The following TMEM40 variants were observed in gnomAD, a reference collection of about 807,000 sequenced individuals.
TMEM40 encodes transmembrane protein 40.
A neutral mutation model predicts 40.8 loss-of-function variants in TMEM40; 34 were observed. That is an observed-to-expected ratio of 0.83 (90% CI 0.63 to 1.11). TMEM40 has a LOEUF of 1.11. Ranked by LOEUF, TMEM40 falls within the 50% of genes least tolerant of loss-of-function variation. TMEM40 has a pLI of 0.00. For missense variants in TMEM40, 296 were observed against 280.2 expected (o/e 1.06, Z -0.40); for synonymous variants, 106 against 107.0 (o/e 0.99, Z 0.06).
intron 1 of TMEM40, among the ~76,000 whole-genome samples, chr3:12,750,077 G>T (rs1196109505): frequency 1.3e-5 from 2 of 151,952 alleles, no homozygotes; most frequent in Non-Finnish European, 2.9e-5. Context: ...ACTAGCAGGG[G>T]GCTTCATGAA....
intron 6 of TMEM40, among the ~76,000 whole-genome samples, 188 bp downstream of exon 6, chr3:12,738,365 C>T (rs2061353926): frequency 6.6e-6 from 1 of 152,202 alleles, no homozygotes; most frequent in Admixed American, 6.5e-5. Context: ...TTCCAAGCTC[C>T]CCAGGCTCCC....
intron 5 of TMEM40, 48 bp from the exon 6 acceptor site, chr3:12,738,636 G>A (rs2061357201): frequency 1.3e-6 from 2 of 1,595,362 alleles, no homozygotes; most frequent in Non-Finnish European, 1.7e-6. Context: ...TCCTCTGGGG[G>A]GGGAGAAGTC....
upstream of TMEM40, among the ~76,000 whole-genome samples, chr3:12,760,344 C>T (rs6766744): frequency 0.67 from 101,895 of 151,962 alleles, 35,982 homozygotes; most frequent in African/African-American, 0.89. Context: ...TCTTACAAGC[C>T]CCTGCGAGAT....
rs142564491 is a variant in TMEM40 at position 12,746,413 on chromosome 3, G to A, written c.211+2242C>T. Among the ~76,000 whole-genome samples the A allele has an allele frequency of 3.6e-3, 552 of 152,248 alleles. 3 individuals carry two copies. The highest frequency in any genetic ancestry group is 0.012 in the African/African-American group (515 of 41,542). On this transcript the variant is annotated intron_variant, in intron 3 of 11. Coordinates refer to ENST00000314124, the MANE Select transcript of TMEM40 (RefSeq NM_018306.4). ...TTTGTTTTCTCATATTTTCTGTTTCGCTATATGCTCTATATTTTCTACAGT... is the reference window on the plus strand; with the variant it reads ...TTTGTTTTCTCATATTTTCTGTTTCACTATATGCTCTATATTTTCTACAGT...
intron 1 of TMEM40, among the ~76,000 whole-genome samples, chr3:12,766,617 T>A (rs1575749700): frequency 2.0e-5 from 3 of 151,952 alleles, no homozygotes; most frequent in Admixed American, 6.6e-5. Flanking sequence ...AAAGGATTAT[T>A]TATATATAGC....
intron 1 of TMEM40, among the ~76,000 whole-genome samples, chr3:12,753,876 G>A (rs960146650): frequency 6.6e-6 from 1 of 152,188 alleles, no homozygotes; most frequent in East Asian, 1.9e-4. Context: ...CTGTCACAGG[G>A]CCTGGGCCCA....
intron 1 of TMEM40, among the ~76,000 whole-genome samples, chr3:12,754,801 C>A (rs901164784): frequency 1.1e-4 from 17 of 152,064 alleles, no homozygotes; most frequent in African/African-American, 3.9e-4. Flanking sequence ...AGTCACTGAC[C>A]CCAAGTCTCT....
intron 1 of TMEM40, among the ~76,000 whole-genome samples, chr3:12,764,578 G>A (rs973725261): frequency 1.4e-4 from 21 of 152,212 alleles, no homozygotes; most frequent in African/African-American, 5.1e-4. Flanking sequence ...GAGAAACAGT[G>A]GCCGTAGCTG....
chr3:12,737,510 C>A, intron 8 of TMEM40, 197 bp downstream of exon 8: 2 of 615,004 alleles, frequency 3.3e-6, no homozygotes, highest in Non-Finnish European at 5.7e-6. Flanking sequence ...CAACCTTGAA[C>A]CTCAGTTTTC....
intron 8 of TMEM40, among the ~76,000 whole-genome samples, chr3:12,737,250 C>T (rs1269086856): frequency 6.6e-6 from 1 of 151,704 alleles, no homozygotes; most frequent in Non-Finnish European, 1.5e-5. Flanking sequence ...CTTGCCCTCC[C>T]CTTCCTCCTA....
intron 1 of TMEM40, among the ~76,000 whole-genome samples, chr3:12,755,194 C>CTTTCTTTCTTTCTTT (rs1559533163): frequency 6.7e-5 from 8 of 119,066 alleles, no homozygotes; most frequent in African/African-American, 2.9e-4. Context: ...TTCCTTCCTT[C>CTTTCTTTCTTTCTTT]CTTCCTTTCT....
intron 3 of TMEM40, among the ~76,000 whole-genome samples, chr3:12,745,070 T>A (rs2061416473): frequency 6.6e-6 from 1 of 152,148 alleles, no homozygotes; most frequent in Admixed American, 6.5e-5. Context: ...TATTCCAATT[T>A]TTTTTTGAGA....
chr3:12,749,654 AG>A, intron 2 of TMEM40, 105 bp downstream of exon 2: 1 of 928,978 alleles, frequency 1.1e-6, no homozygotes, highest in Non-Finnish European at 1.7e-6. Flanking sequence ...CTGTGATTTG[AG>A]GCCCTGTGCA....
intron 5 of TMEM40, chr3:12,738,956 C>G (rs1010926598): frequency 8.4e-6 from 2 of 238,954 alleles, no homozygotes. Context: ...AGACTGAGAC[C>G]ATTCTGGCTA....
chr3:12,747,910 C>CAAAAAAAA (rs747586371), intron 3 of TMEM40, among the ~76,000 whole-genome samples: 5 of 27,582 alleles, frequency 1.8e-4, no homozygotes, highest in South Asian at 1.3e-3. Context: ...GATTCTGTCT[C>CAAAAAAAA]AAAAAAAAAA....
In TMEM40 at chr3:12,738,023, G is replaced by A. The variant is rs2061350410; in HGVS notation, c.424+113C>T. On this transcript the variant is annotated intron_variant, in intron 7 of 11. Coordinates refer to ENST00000314124, the MANE Select transcript of TMEM40 (RefSeq NM_018306.4). ...CTTCTGAATCATAGTGACACTGGCT[G>A]GCGACAGCATCCCTGCTGGGACTAA... The A allele has an allele frequency of 3.0e-6, 4 of 1,326,844 alleles. No individual in the cohort carries two copies. The South Asian group carries it at 3.7e-5, about 12-fold the overall frequency. The allele number at this position is 1,326,844 out of a possible 1,614,324, so 82.2% of individuals were successfully genotyped here.
chr3:12,765,776 A>G (rs1025140473), intron 1 of TMEM40, among the ~76,000 whole-genome samples: 7 of 151,912 alleles, frequency 4.6e-5, no homozygotes, highest in African/African-American at 1.5e-4. Context: ...TCACCGTGTT[A>G]ATCAGAATGG....
chr3:12,768,935 G>C (rs2061608376), intron 1 of TMEM40, among the ~76,000 whole-genome samples: 3 of 25,230 alleles, frequency 1.2e-4, no homozygotes, highest in African/African-American at 6.2e-4. Flanking sequence ...GGGGCGGGGC[G>C]GGGGGGGCGG....
intron 3 of TMEM40, among the ~76,000 whole-genome samples, chr3:12,747,420 C>T (rs112984607): frequency 1.6e-4 from 24 of 152,218 alleles, no homozygotes; most frequent in African/African-American, 5.5e-4. Context: ...AATAATAGTA[C>T]CTTCCTTTAT....
Sources: allele counts gnomAD v4.1 joint callset (sites outside exome capture counted in the v4.1 genomes callset), GRCh38; gene constraint gnomAD v4.1.1; transcripts MANE v1.5; gene names NCBI Gene and HGNC (gene_info 2026-07-23, HGNC 2026-07-21).